The following NUP35 variants were observed in gnomAD, a reference collection of about 807,000 sequenced individuals.
The protein encoded by NUP35 is nucleoporin 35, also known as nucleoporin NUP35.
In NUP35, 25 loss-of-function variants were observed where a neutral mutation model predicts 41.5. The ratio of observed to expected loss-of-function variants is 0.60; its 90% CI spans 0.44 to 0.84. The LOEUF (loss-of-function observed/expected upper bound fraction) is 0.84. Ranked by LOEUF, NUP35 falls within the 40% of genes least tolerant of loss-of-function variation. The probability of loss-of-function intolerance (pLI) is 0.00; values close to 1 mark genes in which losing one functional copy is unlikely to be tolerated. For missense variants in NUP35, 396 were observed against 396.6 expected, an observed-to-expected ratio of 1.00 and a Z score of 0.01; for synonymous variants, 149 against 130.7, an observed-to-expected ratio of 1.14 and a Z score of -0.96.
chr2:183,123,790 G>T (rs1210315132), upstream of NUP35: 5 of 985,300 alleles, frequency 5.1e-6, no homozygotes, highest in African/African-American at 8.7e-5. Context: ...GGCACATGCA[G>T]AAGCACGCAA....
At chr2:183,142,473 G>T (rs1338791662) in intron 4 of NUP35, among the ~76,000 whole-genome samples, 2 of 151,162 alleles carry the variant, frequency 1.3e-5, no homozygotes, top group Non-Finnish European at 3.0e-5. Flanking sequence ...TTTGGTGGGG[G>T]GTGGTGGGCA....
chr2:183,145,994 G>GGGA (rs1685263433), intron 4 of NUP35, among the ~76,000 whole-genome samples: 1 of 152,204 alleles, frequency 6.6e-6, no homozygotes, highest in Non-Finnish European at 1.5e-5. Context: ...GCAGCACTTT[G>GGGA]GGAGGCCAAG....
chr2:183,136,916 C>T (rs1684893353), intron 4 of NUP35, among the ~76,000 whole-genome samples: 1 of 151,902 alleles, frequency 6.6e-6, no homozygotes, highest in South Asian at 2.1e-4. Context: ...ATGGGGAAAC[C>T]CTGTCTCTAG....
intron 4 of NUP35, among the ~76,000 whole-genome samples, chr2:183,135,234 G>C (rs145192684): frequency 6.6e-6 from 1 of 152,314 alleles, no homozygotes; most frequent in Non-Finnish European, 1.5e-5. Context: ...ATCATTTGGG[G>C]ACCTACCCAG....
chr2:183,127,152 C>G (rs774016680), intron 1 of NUP35, among the ~76,000 whole-genome samples: 10 of 152,202 alleles, frequency 6.6e-5, no homozygotes, highest in Non-Finnish European at 1.3e-4. Context: ...TTATATAGCT[C>G]ACTCATCTTC....
intron 4 of NUP35, among the ~76,000 whole-genome samples, chr2:183,139,240 G>A (rs1214426946): frequency 3.6e-5 from 5 of 139,148 alleles, no homozygotes; most frequent in East Asian, 4.1e-4. Context: ...AAAAGATCTC[G>A]CTGTCACCCA....
At chr2:183,131,152 T>C (rs1684685641) in intron 3 of NUP35, 1 of 225,636 alleles carries the variant, frequency 4.4e-6, no homozygotes. Flanking sequence ...TTGTATTTTT[T>C]TTTGTAGAGA....
intron 4 of NUP35, among the ~76,000 whole-genome samples, chr2:183,142,614 G>A (rs928816701): frequency 6.6e-6 from 1 of 150,606 alleles, no homozygotes; most frequent in African/African-American, 2.5e-5. Context: ...CCAAGTAGCT[G>A]GGACTACAGA....
intron 2 of NUP35, among the ~76,000 whole-genome samples, chr2:183,129,331 G>C (rs917398332): frequency 6.6e-6 from 1 of 152,150 alleles, no homozygotes; most frequent in Non-Finnish European, 1.5e-5. Flanking sequence ...AAATGACTTC[G>C]AAGTTTTAAC....
intron 1 of NUP35, chr2:183,118,231 C>T (rs761769315): frequency 5.9e-5 from 9 of 151,962 alleles, no homozygotes; most frequent in Non-Finnish European, 1.3e-4. Context: ...TTATTTAGTG[C>T]GTTCAGAATA....
chr2:183,123,845 C>G, upstream of NUP35: 8 of 983,220 alleles, frequency 8.1e-6, no homozygotes, highest in Non-Finnish European at 9.7e-6. Context: ...AATTATCTTC[C>G]ATTATTTACA....
upstream of NUP35, among the ~76,000 whole-genome samples, chr2:183,122,385 C>T (rs1700081936): frequency 6.6e-6 from 1 of 152,158 alleles, no homozygotes; most frequent in South Asian, 2.1e-4. Flanking sequence ...TGGTGCAAAT[C>T]TTTTTCAACA....
At chr2:183,159,139 C>T (rs1685777696) in intron 7 of NUP35, among the ~76,000 whole-genome samples, 1 of 152,146 alleles carries the variant, frequency 6.6e-6, no homozygotes, top group Non-Finnish European at 1.5e-5. Flanking sequence ...TTTGGGGTAA[C>T]TAAGTGCTAA....
intron 3 of NUP35, chr2:183,131,019 T>C: frequency 1.4e-6 from 1 of 725,926 alleles, no homozygotes; most frequent in Non-Finnish European, 2.1e-6. Context: ...TCCTGATCAG[T>C]TGCCCAGGCT....
At chr2:183,127,397 CG>C (rs1446574462) in intron 1 of NUP35, among the ~76,000 whole-genome samples, 1 of 151,694 alleles carries the variant, frequency 6.6e-6, no homozygotes, top group Non-Finnish European at 1.5e-5. Flanking sequence ...GGATTGCAGG[CG>C]TGAGTCACCA....
intron 5 of NUP35, among the ~76,000 whole-genome samples, chr2:183,153,195 G>C (rs966204644): frequency 4.6e-5 from 7 of 152,174 alleles, no homozygotes; most frequent in East Asian, 1.9e-4. Flanking sequence ...GGAATTCCGG[G>C]AGATATAATT....
intron 8 of NUP35, 194 bp downstream of exon 8, chr2:183,159,846 TAAA>T (rs939406170): frequency 1.2e-5 from 5 of 422,002 alleles, no homozygotes; most frequent in South Asian, 4.8e-5. Flanking sequence ...TATCATGAAT[TAAA>T]AAAAAAAAAT....
chr2:183,138,252 T>C (rs1221238982), intron 4 of NUP35, among the ~76,000 whole-genome samples: 1 of 52,540 alleles, frequency 1.9e-5, no homozygotes, highest in South Asian at 5.8e-4. Flanking sequence ...GAGCTATATA[T>C]ATATATATAT....
rs543008351 is a variant in NUP35, at chr2:183,152,065, C to T, written c.539+416C>T. ...TTTTCTAGTGACTGGTTCTCTACATCTAGTGGAATTCACCAGTTTTGAATT... is the reference window on the plus strand; with the variant it reads ...TTTTCTAGTGACTGGTTCTCTACATTTAGTGGAATTCACCAGTTTTGAATT... On this transcript the variant is annotated intron_variant, in intron 5 of 8. Coordinates refer to ENST00000295119, the MANE Select transcript of NUP35 (RefSeq NM_138285.5). Among the ~76,000 whole-genome samples the T allele has an allele frequency of 1.9e-3, 289 of 148,684 alleles. 12 individuals carry two copies. In the South Asian group the frequency reaches 0.057, roughly 29 times the overall value.
Sources: allele counts gnomAD v4.1 joint callset (sites outside exome capture counted in the v4.1 genomes callset), GRCh38; gene constraint gnomAD v4.1.1; transcripts MANE v1.5; gene names NCBI Gene and HGNC (gene_info 2026-07-23, HGNC 2026-07-21).